The following L1CAM variants were observed in gnomAD, a reference collection of about 807,000 sequenced individuals.
L1CAM encodes neural cell adhesion molecule L1.
A neutral mutation model predicts 93.0 loss-of-function variants in L1CAM; 8 were observed. The observed-to-expected ratio is 0.09, with a 90% CI of 0.05 to 0.16. The LOEUF (loss-of-function observed/expected upper bound fraction) is 0.16, where lower values mean the gene tolerates loss of function less well. Ranked by LOEUF, L1CAM falls within the 10% of genes least tolerant of loss-of-function variation. L1CAM has a pLI of 1.00. For synonymous variants in L1CAM, 453 were observed against 453.0 expected (o/e 1.00, Z 0.00); for missense variants, 777 against 1,073.4 (o/e 0.72, Z 3.86).
At chrX:153,876,180 T>C in intron 1 of L1CAM, 1 of 427,116 alleles carries the variant, frequency 2.3e-6, no homozygotes. Context: ...ATTCCCTCTC[T>C]ACTCTCTGTC....
At chrX:153,867,240 GCT>G in intron 17 of L1CAM, 114 bp downstream of exon 17, 4 of 975,641 alleles carry the variant, frequency 4.1e-6, no homozygotes, top group Non-Finnish European at 5.9e-6. Flanking sequence ...GCCCCCTCGC[GCT>G]CCCCCTGGAA....
At chrX:153,875,593 T>C (rs1557094302) in intron 2 of L1CAM, 168 bp downstream of exon 2, 1 of 532,480 alleles carries the variant, frequency 1.9e-6, no homozygotes, top group Non-Finnish European at 3.3e-6. Context: ...CCTGCCCTTC[T>C]CTCCGGGGGT....
intron 2 of L1CAM, 100 bp downstream of exon 2, chrX:153,875,661 A>G: frequency 1.3e-6 from 1 of 754,603 alleles, no homozygotes. Flanking sequence ...CAGGGAGAGG[A>G]GTCAGGGTCC....
Position 153,864,567 on chromosome X carries a change from G to T in L1CAM, c.3166+18C>A, listed in dbSNP as rs1258168688. On this transcript the variant is annotated intron_variant, in intron 24 of 28. Transcript: ENST00000370060. Reference sequence around the variant, plus strand: ...GCCCCCTTCCCCACCACGCCCCAAGGCCCCCTTTCACGCTTACCTCCCAAG... The same window carrying T: ...GCCCCCTTCCCCACCACGCCCCAAGTCCCCCTTTCACGCTTACCTCCCAAG... The T allele has an allele frequency of 7.5e-6, 9 of 1,206,983 alleles. No individual in the cohort carries two copies. In the Admixed American group the frequency reaches 2.0e-4, roughly 26 times the overall value.
chrX:153,882,873 C>A (rs2064852816), intron 1 of L1CAM, among the ~76,000 whole-genome samples: 1 of 112,126 alleles, frequency 8.9e-6, no homozygotes, highest in Non-Finnish European at 1.9e-5. Flanking sequence ...GGGCTGGGGG[C>A]CACTGGACAA....
rs201721767 is a variant in L1CAM at position 153,863,896 on chromosome X, G to A, written c.3444C>T (p.Gly1148=). Residue 1148 remains glycine, a synonymous_variant, in exon 26 of 29, where the codon GGC becomes GGT. Coordinates refer to ENST00000370060, the MANE Select transcript of L1CAM (RefSeq NM_001278116.2). ...CTCAGAGGCTACCTGAGTATTTGCC[G>A]CCCTTGCTGCGCTTGATGAAGCAGA... ...LILCFIKRSK[G]GKYSVKDKED... 17 of 1,210,952 alleles carry A rather than the reference G, an allele frequency of 1.4e-5. No individual in the cohort carries two copies. The highest frequency in any genetic ancestry group is 1.7e-5 in the African/African-American group (1 of 57,541).
rs782241489 is a variant in L1CAM, at chrX:153,871,046, C to T, written c.523+11G>A. On this transcript the variant is annotated intron_variant, in intron 6 of 28. Transcript: ENST00000370060. The stretch of plus-strand genomic sequence containing the variant: ...CCCGACCCCACGAGGCAGCCGCTCG[C>T]CGGCACCCACTGCTGTTCATCCAGT... 1.3e-5 allele frequency: 16 copies of T among 1,211,357 alleles called. No homozygotes were observed. The South Asian group carries it at 2.8e-4, about 21-fold the overall frequency.
chrX:153,874,091 C>A (rs2064795588), intron 2 of L1CAM, among the ~76,000 whole-genome samples: 1 of 112,178 alleles, frequency 8.9e-6, no homozygotes, highest in Non-Finnish European at 1.9e-5. Flanking sequence ...TGACAGGATG[C>A]AGAAAGCCAA....
Position 153,863,918 on chromosome X carries a change from C to T in L1CAM, c.3422G>A (p.Cys1141Tyr). The change falls in exon 26 of 29, where the codon TGC becomes TAC. Residue 1141 changes from cysteine (C) to tyrosine (Y), a missense_variant. Coordinates refer to ENST00000370060, the MANE Select transcript of L1CAM (RefSeq NM_001278116.2). ...ILLLLVLLIL[C>Y]FIKRSKGGKY... Reference sequence around the variant, plus strand: ...GCCGCCCTTGCTGCGCTTGATGAAGCAGAGGATGAGCAGGACGAGGAGCAG... The same window carrying T: ...GCCGCCCTTGCTGCGCTTGATGAAGTAGAGGATGAGCAGGACGAGGAGCAG... 1 of 1,212,227 alleles carries T rather than the reference C, an allele frequency of 8.2e-7. No individual in the cohort carries two copies. The highest frequency in any genetic ancestry group is 1.1e-6 in the Non-Finnish European group (1 of 895,536).
chrX:153,883,321 A>ACGGGGAGTGGTGCACCCCATCC (rs1352250373), intron 1 of L1CAM, among the ~76,000 whole-genome samples: 17 of 109,955 alleles, frequency 1.5e-4, no homozygotes, highest in Admixed American at 3.8e-4. Flanking sequence ...GAGGGAGGAG[A>ACGGGGAGTGGTGCACCCCATCC]CGGGGAGTGG....
chrX:153,876,117 G>A (rs2064812658), intron 1 of L1CAM, 173 bp from the exon 2 acceptor site: 1 of 436,601 alleles, frequency 2.3e-6, no homozygotes, highest in Admixed American at 4.1e-5. Flanking sequence ...TCCCCACCTT[G>A]GAGGGAGAAA....
rs1182039468 is a variant in L1CAM, at chrX:153,868,581, A to C, written c.1526T>G (p.Met509Arg). 1 of 1,210,961 alleles carries C rather than the reference A, an allele frequency of 8.3e-7. No homozygotes were observed. Among genetic ancestry groups the C allele is most frequent in the Non-Finnish European group, 1.1e-6 (1 of 895,344 alleles). The change falls in exon 13 of 29, where the codon ATG becomes AGG. Residue 509 changes from methionine (M) to arginine (R), a missense_variant. Met to Arg is a moderately conservative substitution (Grantham distance 91). Transcript: ENST00000370060. Reference protein sequence around the residue: ...AANDQNNVTIMANLKVKDATQ... With the variant: ...AANDQNNVTIRANLKVKDATQ... ...CTGACCTTTAACCTTCAGGTTAGCC[A>C]TGATGGTAACATTGTTTTGGTCATT...
intron 5 of L1CAM, 50 bp downstream of exon 5, chrX:153,872,102 C>T: frequency 2.8e-6 from 3 of 1,079,770 alleles, no homozygotes; most frequent in Non-Finnish European, 3.9e-6. Flanking sequence ...GCCCACAATC[C>T]CACACGAACT....
chrX:153,883,299 C>CAGGCAG (rs1298614465), intron 1 of L1CAM, among the ~76,000 whole-genome samples: 15 of 110,654 alleles, frequency 1.4e-4, no homozygotes, highest in Non-Finnish European at 1.1e-4. Flanking sequence ...GAGGGCCAGG[C>CAGGCAG]AGGCAGAGGC....
Position 153,873,233 on chromosome X carries a change from T to C in L1CAM, c.86A>G (p.His29Arg), listed in dbSNP as rs782772477. The C allele has an allele frequency of 8.3e-7, 1 of 1,208,356 alleles. No homozygotes were observed. The highest frequency in any genetic ancestry group is 1.1e-6 in the Non-Finnish European group (1 of 893,357). Residue 29 changes from histidine (H) to arginine (R), a missense_variant, in exon 3 of 29, where the codon CAC becomes CGC. His to Arg is a conservative substitution (Grantham distance 29). Around this residue, in one of 5 missense-constraint regions of L1CAM, gnomAD observed 574 missense variants for 781.0 expected, o/e 0.73. Transcript: ENST00000370060. ...LIQIPEEYEG[H>R]HVMEPPVITE... ...CTCACCCCTCCCCAACTTACCATGG[T>C]GTCCTTCATCTGAGAAATCCAGGCA... is the stretch of plus-strand genomic sequence containing the variant.
chrX:153,873,345 C>G (rs967471010), intron 2 of L1CAM, 103 bp from the exon 3 acceptor site: 4 of 875,323 alleles, frequency 4.6e-6, no homozygotes, highest in Middle Eastern at 2.7e-4. Flanking sequence ...CTCCTGCAGC[C>G]CCCCCGTGGA....
In L1CAM at chrX:153,865,781, G is replaced by A. The variant is rs2064707911; in HGVS notation, c.2470C>T (p.Leu824Phe). ...TTGACCAGCACGGCACTTGAGTTGA[G>A]GATTTCAATGCCTTCCAGCTCAGGG... ...AIPELEGIEI[L>F]NSSAVLVKWR... Residue 824 changes from leucine to phenylalanine, a missense_variant, in exon 20 of 29, where the codon CTC becomes TTC. By Grantham distance (22) the Leu-to-Phe change is conservative. This residue lies in a region of L1CAM where 574 missense variants were observed against 781.0 expected (regional missense o/e 0.73). Coordinates refer to ENST00000370060, the MANE Select transcript of L1CAM (RefSeq NM_001278116.2). The A allele has an allele frequency of 1.7e-6, 2 of 1,208,915 alleles. No homozygotes were observed. Among genetic ancestry groups the A allele is most frequent in the African/African-American group, 3.5e-5 (2 of 57,295 alleles).
chrX:153,875,951 G>A lies in L1CAM; in HGVS notation c.-108-7C>T. ...GGAGTTGGGAGTGGGGGCACTGGGA[G>A]AGGGGAGAAGGGAAGGGAAGGGTGG... On this transcript the variant is annotated splice_polypyrimidine_tract_variant and splice_region_variant and intron_variant, in intron 1 of 28. Coordinates refer to ENST00000370060, the MANE Select transcript of L1CAM (RefSeq NM_001278116.2). The A allele has an allele frequency of 1.7e-6, 1 of 573,548 alleles. No homozygotes were observed. Among genetic ancestry groups the A allele is most frequent in the Non-Finnish European group, 2.9e-6 (1 of 341,143 alleles). The allele number at this position is 573,548 out of a possible 1,213,427, so 47.3% of individuals were successfully genotyped here. A position where few individuals can be genotyped will look rare whatever the true frequency, so the allele number is the denominator to read the frequency against.
At position 153,863,274 on chromosome X, in the gene L1CAM, AGAGCCCC is replaced by A. The variant is rs1557089493; in HGVS notation, c.3542+87_3542+93del. 16 of 1,004,272 alleles carry A rather than the reference AGAGCCCC, an allele frequency of 1.6e-5. No individual in the cohort carries two copies. The African/African-American group carries it at 2.8e-4, about 18-fold the overall frequency. 82.8% of individuals were successfully genotyped at this position (1,004,272 alleles called of 1,213,427 possible). ...GGGGCTGGGAAGTGAGAGTCCTGTC[AGAGCCCC>A]GGCAGCCAGGGGACAATGGCACACC... On this transcript the variant is annotated intron_variant, in intron 28 of 28. Transcript: ENST00000370060.
Sources: allele counts gnomAD v4.1 joint callset (sites outside exome capture counted in the v4.1 genomes callset), GRCh38; gene constraint gnomAD v4.1.1; regional missense constraint gnomAD v4.1.1; transcripts MANE v1.5; gene names NCBI Gene and HGNC (gene_info 2026-07-23, HGNC 2026-07-21).